The following PTGFRN variants were observed in gnomAD, a reference collection of about 807,000 sequenced individuals.
PTGFRN encodes prostaglandin F2 receptor inhibitor.
In PTGFRN, 35 loss-of-function variants were observed where a neutral mutation model predicts 83.2. That is an observed-to-expected ratio of 0.42 (90% CI 0.32 to 0.56). The LOEUF is 0.56. Ranked by LOEUF, PTGFRN falls within the 20% of genes least tolerant of loss-of-function variation. The pLI is 0.11. For missense variants in PTGFRN, 1,051 were observed against 1,179.5 expected (o/e 0.89, Z 1.60); for synonymous variants, 519 against 498.6 (o/e 1.04, Z -0.55).
chr1:116,939,068 C>G (rs1192453412), intron 1 of PTGFRN, among the ~76,000 whole-genome samples: 1 of 152,214 alleles, frequency 6.6e-6, no homozygotes, highest in African/African-American at 2.4e-5. Flanking sequence ...GGTACTGCCT[C>G]CCTCCCGGCT....
At chr1:116,914,765 A>G (rs1239068675) in intron 1 of PTGFRN, among the ~76,000 whole-genome samples, 1 of 151,528 alleles carries the variant, frequency 6.6e-6, no homozygotes, top group Non-Finnish European at 1.5e-5. Flanking sequence ...AAAAAAAAAA[A>G]GGAAAAAAAT....
chr1:116,986,704 G>A, intron 8 of PTGFRN, 97 bp from the exon 9 acceptor site: 1 of 1,234,650 alleles, frequency 8.1e-7, no homozygotes, highest in South Asian at 1.3e-5. Flanking sequence ...TTATCTCTCG[G>A]GAGATCCTGC....
intron 7 of PTGFRN, among the ~76,000 whole-genome samples, chr1:116,984,364 C>T (rs1651402225): frequency 6.6e-6 from 1 of 152,106 alleles, no homozygotes; most frequent in African/African-American, 2.4e-5. Context: ...ACTCTTCTTC[C>T]TGTGGCCCCT....
In PTGFRN at chr1:116,987,364, G is replaced by C. The variant is rs1651528460; in HGVS notation, c.*397G>C. 5.0e-6 allele frequency: 1 copy of C among 200,242 alleles called. No homozygotes were observed. The allele number at this position is 200,242 out of a possible 1,614,324, so 12.4% of individuals were successfully genotyped here. A position where few individuals can be genotyped will look rare whatever the true frequency, so the allele number is the denominator to read the frequency against. On this transcript the variant is annotated 3_prime_UTR_variant, in exon 9 of 9. Transcript: ENST00000393203. ...CTTTATCTTCAGTGAGAATGTGCCT[G>C]CCCGCCTGAGAGCCAGCTTCCGCGT...
chr1:116,970,349 G>A (rs1283133075), intron 6 of PTGFRN, among the ~76,000 whole-genome samples: 2 of 152,028 alleles, frequency 1.3e-5, no homozygotes, highest in African/African-American at 2.4e-5. Context: ...TCATGGAAAG[G>A]TGTTGAATGT....
chr1:116,944,618 T>C lies in PTGFRN; in HGVS notation c.419-61T>C, dbSNP rs765540643. 390 of 1,338,734 alleles carry C rather than the reference T, an allele frequency of 2.9e-4. 1 individual carries two copies. The highest frequency in any genetic ancestry group is 3.7e-4 in the Non-Finnish European group (382 of 1,039,616). The allele number at this position is 1,338,734 out of a possible 1,614,324, so 82.9% of individuals were successfully genotyped here. A position where few individuals can be genotyped will look rare whatever the true frequency, so the allele number is the denominator to read the frequency against. On this transcript the variant is annotated intron_variant, in intron 2 of 8. Transcript: ENST00000393203. The stretch of plus-strand genomic sequence containing the variant: ...ATTGTCTGTGGTTGCAGCGGTGGGC[T>C]GGCCCTTGCCGGCTGGGGTCGGTGT...
intron 4 of PTGFRN, among the ~76,000 whole-genome samples, chr1:116,954,441 C>A (rs752850671): frequency 1.3e-5 from 2 of 152,312 alleles, no homozygotes; most frequent in African/African-American, 4.8e-5. Flanking sequence ...CTACCCAATT[C>A]AAAATAATAA....
At chr1:116,925,673 C>A (rs922426383) in intron 1 of PTGFRN, among the ~76,000 whole-genome samples, 1 of 152,124 alleles carries the variant, frequency 6.6e-6, no homozygotes, top group Non-Finnish European at 1.5e-5. Flanking sequence ...AGCTGGAGGT[C>A]CCTCCTTTCC....
At chr1:116,982,821 A>G (rs1651357051) in intron 7 of PTGFRN, among the ~76,000 whole-genome samples, 1 of 152,176 alleles carries the variant, frequency 6.6e-6, no homozygotes. Flanking sequence ...AGAGCAGTTC[A>G]TAACCTCCAG....
intron 5 of PTGFRN, among the ~76,000 whole-genome samples, chr1:116,964,348 C>T (rs2101078443): frequency 6.6e-6 from 1 of 152,264 alleles, no homozygotes; most frequent in Admixed American, 6.5e-5. Flanking sequence ...GAATTTAACG[C>T]AGGTGATTCC....
chr1:116,946,038 T>G (rs937225985), intron 3 of PTGFRN, among the ~76,000 whole-genome samples: 27 of 152,152 alleles, frequency 1.8e-4, no homozygotes, highest in African/African-American at 6.3e-4. Flanking sequence ...GTCCTTGGTT[T>G]TCTGCAAGTC....
chr1:116,923,797 GT>G lies in PTGFRN; in HGVS notation c.49+13546del, dbSNP rs912435801. On this transcript the variant is annotated intron_variant, in intron 1 of 8. Transcript: ENST00000393203. This position sits in a 1 kb window ranked among gnomAD's most constrained non-coding sequence, Gnocchi z 4.0. ...GGGCAGTAGTACTGCCGCCTGTAGCGTGGGCCTGGTCTCACTGGGTAGTTAA... is the reference window on the plus strand; with the variant it reads ...GGGCAGTAGTACTGCCGCCTGTAGCGGGGCCTGGTCTCACTGGGTAGTTAA... 6.6e-6 allele frequency among the ~76,000 whole-genome samples: 1 copy of G among 152,132 alleles called. No homozygotes were observed. Among genetic ancestry groups the G allele is most frequent in the African/African-American group, 2.4e-5 (1 of 41,424 alleles).
At chr1:116,977,034 C>G (rs1651177116) in intron 7 of PTGFRN, among the ~76,000 whole-genome samples, 1 of 151,976 alleles carries the variant, frequency 6.6e-6, no homozygotes, top group African/African-American at 2.4e-5. Flanking sequence ...GGAAATTCTA[C>G]CAAGCAAATG....
chr1:116,981,937 T>C (rs537033690), intron 7 of PTGFRN, among the ~76,000 whole-genome samples: 3 of 152,218 alleles, frequency 2.0e-5, no homozygotes, highest in South Asian at 2.1e-4. Flanking sequence ...AAGGAGAGTT[T>C]ATGGGAGATG....
rs764194612 is a variant in PTGFRN at position 116,986,932 on chromosome 1, G to A, written c.2605G>A (p.Glu869Lys). ...CKKEVQETRR[E>K]RRRLMSMEMD ...GAAGGAGGTTCAGGAGACACGGCGCGAGCGCCGCAGGCTCATGTCGATGGA... is the reference window on the plus strand; with the variant it reads ...GAAGGAGGTTCAGGAGACACGGCGCAAGCGCCGCAGGCTCATGTCGATGGA... The change falls in exon 9 of 9, where the codon GAG becomes AAG. Residue 869 changes from glutamate (E) to lysine (K), a missense_variant. By Grantham distance (56) the Glu-to-Lys change is moderately conservative. Coordinates refer to ENST00000393203, the MANE Select transcript of PTGFRN (RefSeq NM_020440.4). 5 of 1,614,136 alleles carry A rather than the reference G, an allele frequency of 3.1e-6. No homozygotes were observed. The highest frequency in any genetic ancestry group is 1.3e-5 in the African/African-American group (1 of 74,952).
intron 8 of PTGFRN, among the ~76,000 whole-genome samples, chr1:116,986,429 G>A (rs534074074): frequency 2.8e-4 from 42 of 152,256 alleles, no homozygotes; most frequent in African/African-American, 9.1e-4. Context: ...TTGATGCATA[G>A]GATTGATTTA....
intron 7 of PTGFRN, among the ~76,000 whole-genome samples, chr1:116,975,539 G>A (rs549408849): frequency 2.6e-5 from 4 of 152,290 alleles, no homozygotes; most frequent in East Asian, 1.9e-4. Flanking sequence ...CCAGAGGAAC[G>A]ATCAGCAGAA....
At chr1:116,915,647 A>G (rs1158937371) in intron 1 of PTGFRN, among the ~76,000 whole-genome samples, 1 of 152,176 alleles carries the variant, frequency 6.6e-6, no homozygotes, top group African/African-American at 2.4e-5. Context: ...TTTAGCGATG[A>G]GCTGCTGAGC....
chr1:116,974,568 G>A (rs1651091424), intron 7 of PTGFRN: 1 of 421,894 alleles, frequency 2.4e-6, no homozygotes, highest in Non-Finnish European at 4.2e-6. Flanking sequence ...ACAGTCAGTG[G>A]GGTCACTTCC....
Sources: gnomAD v4.1 joint callset for allele counts (sites outside exome capture counted in the v4.1 genomes callset) on GRCh38, gnomAD v4.1.1 for gene constraint, Gnocchi (gnomAD v3.1) non-coding constraint, MANE v1.5 for transcripts, NCBI Gene and HGNC (gene_info 2026-07-23, HGNC 2026-07-21) for gene names.